Variants in RAB3GAP1 observed in about 807,000 individuals in gnomAD.
RAB3GAP1 encodes the protein RAB3 GTPase activating protein catalytic subunit 1, also known as rab3 GTPase-activating protein catalytic subunit.
Under a neutral mutation model 130.7 loss-of-function variants are expected in RAB3GAP1, and 86 were observed. That is an observed-to-expected ratio of 0.66 (90% confidence interval 0.55 to 0.79). The LOEUF is 0.79. RAB3GAP1 is among the 30% of genes least tolerant of loss of function. The probability of loss-of-function intolerance (pLI) is 0.00; values close to 1 mark genes in which losing one functional copy is unlikely to be tolerated. For synonymous variants in RAB3GAP1, 367 were observed against 401.7 expected (o/e 0.91, Z 1.03); for missense variants, 1,029 against 1,169.4 (o/e 0.88, Z 1.75).
chr2:135,165,011 T>G, intron 23 of RAB3GAP1: 1 of 394,414 alleles, frequency 2.5e-6, no homozygotes, highest in Non-Finnish European at 5.0e-6. Context: ...GAAAAAATGT[T>G]TACTCACAGG....
chr2:135,128,917 G>C (rs1691434802), intron 11 of RAB3GAP1, among the ~76,000 whole-genome samples: 1 of 152,146 alleles, frequency 6.6e-6, no homozygotes, highest in South Asian at 2.1e-4. Context: ...TTGAGAGGTC[G>C]AGGCAGGTGG....
chr2:135,134,109 C>T (rs903842547), intron 15 of RAB3GAP1, 76 bp downstream of exon 15: 41 of 1,554,650 alleles, frequency 2.6e-5, no homozygotes, highest in Non-Finnish European at 3.6e-5. Flanking sequence ...CCTATTTTTT[C>T]CCCCTTCTAG....
intron 3 of RAB3GAP1, among the ~76,000 whole-genome samples, chr2:135,088,825 A>G (rs1033541542): frequency 2.0e-5 from 3 of 151,638 alleles, no homozygotes; most frequent in Non-Finnish European, 4.4e-5. Flanking sequence ...TGTCAGATGG[A>G]TAGATTGCAA....
intron 12 of RAB3GAP1, 22 bp from the exon 13 acceptor site, chr2:135,130,530 T>A (rs767732542): frequency 6.3e-7 from 1 of 1,595,340 alleles, no homozygotes; most frequent in South Asian, 1.1e-5. Context: ...ATAATTTATA[T>A]TTATTTCTGT....
chr2:135,109,877 C>T (rs907596434), intron 5 of RAB3GAP1, among the ~76,000 whole-genome samples: 3 of 152,012 alleles, frequency 2.0e-5, no homozygotes, highest in African/African-American at 4.8e-5. Flanking sequence ...CCACCGCTCC[C>T]GGCCTTTGTG....
Position 135,164,592 on chromosome 2 carries a change from A to C in RAB3GAP1, c.2607-2A>C, listed in dbSNP as rs1246453707. The C allele has an allele frequency of 6.2e-7, 1 of 1,606,780 alleles. No homozygotes were observed. Reference sequence around the variant, plus strand: ...CTTTCATTGCCTGTCTCTGTCTCCTAGGTTTGTGAGTTGCCTGCTGGAGCA... The same window carrying C: ...CTTTCATTGCCTGTCTCTGTCTCCTCGGTTTGTGAGTTGCCTGCTGGAGCA... On this transcript the variant is annotated splice_acceptor_variant, in intron 22 of 23. Transcript: ENST00000264158. LOFTEE classifies it high-confidence loss of function.
chr2:135,093,221 CA>C (rs928568404), intron 4 of RAB3GAP1, among the ~76,000 whole-genome samples: 6 of 152,058 alleles, frequency 3.9e-5, no homozygotes, highest in South Asian at 2.1e-4. Context: ...TTAAGATGGA[CA>C]GGGGGCCTAA....
chr2:135,091,550 A>G (rs1690141861), intron 4 of RAB3GAP1, among the ~76,000 whole-genome samples: 1 of 152,148 alleles, frequency 6.6e-6, no homozygotes, highest in Non-Finnish European at 1.5e-5. Flanking sequence ...AAATAAAGGA[A>G]AATCTGTTGA....
At position 135,169,625 on chromosome 2, in the gene RAB3GAP1, TAC is replaced by T. The variant is rs747820757; in HGVS notation, c.*846_*847del. The stretch of plus-strand genomic sequence containing the variant: ...AAGTAGAGAATAGCACTTGCAAAAA[TAC>T]AGTCTTGGTACCTAGAGACTGTCAT... On this transcript the variant is annotated 3_prime_UTR_variant, in exon 24 of 24. Coordinates refer to ENST00000264158, the MANE Select transcript of RAB3GAP1 (RefSeq NM_012233.3). 7.9e-6 allele frequency: 3 copies of T among 378,456 alleles called. No homozygotes were observed. Among genetic ancestry groups the T allele is most frequent in the Non-Finnish European group, 1.6e-5 (3 of 187,148 alleles). 23.4% of individuals were successfully genotyped at this position (378,456 alleles called of 1,614,324 possible).
intron 19 of RAB3GAP1, among the ~76,000 whole-genome samples, chr2:135,161,295 A>G (rs557112021): frequency 5.1e-4 from 78 of 152,342 alleles, no homozygotes; most frequent in African/African-American, 1.8e-3. Context: ...CTGAGGAGCT[A>G]TCCACTACTA....
intron 17 of RAB3GAP1, among the ~76,000 whole-genome samples, chr2:135,143,135 C>T (rs1309418174): frequency 1.3e-5 from 2 of 151,784 alleles, no homozygotes; most frequent in Non-Finnish European, 2.9e-5. Flanking sequence ...AGATAAAAAA[C>T]TATTCTTATT....
chr2:135,081,372 GTGTGTGTGTATATATATATGTATATA>G (rs1237682547), intron 3 of RAB3GAP1, among the ~76,000 whole-genome samples: 3 of 107,008 alleles, frequency 2.8e-5, no homozygotes, highest in Non-Finnish European at 5.3e-5. Flanking sequence ...ACACACACGT[GTGTGTGTGTATATATATATGTATATA>G]TGTGTGTGTA....
chr2:135,052,636 C>T, intron 2 of RAB3GAP1, 151 bp downstream of exon 2: 1 of 919,262 alleles, frequency 1.1e-6, no homozygotes, highest in Non-Finnish European at 1.7e-6. Flanking sequence ...CTTCTTTGGT[C>T]AACCGCAAGC....
At chr2:135,092,300 T>C (rs760526143) in intron 4 of RAB3GAP1, among the ~76,000 whole-genome samples, 1 of 152,164 alleles carries the variant, frequency 6.6e-6, no homozygotes, top group African/African-American at 2.4e-5. Context: ...CTATTCAAGA[T>C]AGCGAAAATT....
intron 23 of RAB3GAP1, chr2:135,165,168 G>A: frequency 4.4e-6 from 2 of 456,008 alleles, no homozygotes; most frequent in Non-Finnish European, 8.8e-6. Context: ...GAAAAGAAGA[G>A]GAAAACTTCA....
At chr2:135,073,545 T>C (rs1266839319) in intron 3 of RAB3GAP1, among the ~76,000 whole-genome samples, 1 of 152,182 alleles carries the variant, frequency 6.6e-6, no homozygotes. Flanking sequence ...TTCTTTCCCA[T>C]GTATCTCATT....
rs763146256 is a variant in RAB3GAP1 at position 135,126,672 on chromosome 2, C to T, written c.973+16C>T. The T allele has an allele frequency of 2.1e-5, 33 of 1,588,658 alleles. No homozygotes were observed. Among genetic ancestry groups the T allele is most frequent in the Non-Finnish European group, 2.8e-5 (32 of 1,156,926 alleles). On this transcript the variant is annotated intron_variant, in intron 11 of 23. Transcript: ENST00000264158. ...TGTTTGCTAGGTAAGGTATATTATG[C>T]TCCTTTCCTGAAATACTGCTGATCT...
At chr2:135,155,327 AGAAAAT>A (rs574654558) in intron 19 of RAB3GAP1, among the ~76,000 whole-genome samples, 88 of 152,312 alleles carry the variant, frequency 5.8e-4, no homozygotes, top group African/African-American at 7.9e-4. Context: ...AAAAGAGCCC[AGAAAAT>A]GAAAATGAGA....
intron 7 of RAB3GAP1, among the ~76,000 whole-genome samples, chr2:135,120,592 A>G (rs2104927660): frequency 6.6e-6 from 1 of 152,276 alleles, no homozygotes; most frequent in South Asian, 2.1e-4. Context: ...TAAATTTTGC[A>G]TCTTTGGCTC....
Sources: gnomAD v4.1 joint callset for allele counts (sites outside exome capture counted in the v4.1 genomes callset) on GRCh38, gnomAD v4.1.1 for gene constraint, MANE v1.5 for transcripts, NCBI Gene and HGNC (gene_info 2026-07-23, HGNC 2026-07-21) for gene names.